Variants in IQCM observed in about 807,000 individuals in gnomAD.
IQCM encodes the protein IQ motif containing M, also known as IQ domain-containing protein M.
A neutral mutation model predicts 57.6 loss-of-function variants in IQCM; 45 were observed. The observed-to-expected ratio is 0.78, with a 90% CI of 0.62 to 1.00. The LOEUF (loss-of-function observed/expected upper bound fraction) is 1.00, where lower values mean the gene tolerates loss of function less well. IQCM is among the 50% of genes least tolerant of loss of function. The pLI is 0.00. For synonymous variants in IQCM, 148 were observed against 158.9 expected, an observed-to-expected ratio of 0.93 and a Z score of 0.51; for missense variants, 468 against 511.6, an observed-to-expected ratio of 0.91 and a Z score of 0.82.
intron 13 of IQCM, among the ~76,000 whole-genome samples, chr4:149,395,788 T>A (rs149247661): frequency 3.3e-5 from 5 of 152,156 alleles, no homozygotes; most frequent in African/African-American, 9.6e-5. Context: ...CTATTCTCTA[T>A]TCCCAGAAGG....
chr4:149,756,233 T>A (rs2149949589), intron 2 of IQCM, among the ~76,000 whole-genome samples: 1 of 152,196 alleles, frequency 6.6e-6, no homozygotes, highest in South Asian at 2.1e-4. Context: ...TGACTGGAAA[T>A]CAATAAATAT....
At chr4:149,784,643 T>C (rs995858395) in intron 2 of IQCM, among the ~76,000 whole-genome samples, 25 of 152,146 alleles carry the variant, frequency 1.6e-4, no homozygotes, top group African/African-American at 6.0e-4. Flanking sequence ...CTGCATCTCC[T>C]GACCTCGTGA....
intron 5 of IQCM, among the ~76,000 whole-genome samples, chr4:149,708,768 A>C (rs192393757): frequency 1.7e-4 from 26 of 152,136 alleles, no homozygotes; most frequent in African/African-American, 6.3e-4. Context: ...TATTTTTTCT[A>C]TGCCTAAAAC....
intron 7 of IQCM, among the ~76,000 whole-genome samples, chr4:149,673,642 A>G (rs1055851808): frequency 6.6e-6 from 1 of 152,148 alleles, no homozygotes; most frequent in Non-Finnish European, 1.5e-5. Context: ...AGAGACCTAC[A>G]AAGAGACTTA....
intron 6 of IQCM, among the ~76,000 whole-genome samples, chr4:149,685,432 T>C (rs1361868508): frequency 6.6e-6 from 1 of 151,502 alleles, no homozygotes; most frequent in African/African-American, 2.4e-5. Flanking sequence ...TCCCTTATCA[T>C]GGGTATAACC....
At chr4:149,714,184 C>T (rs530727573) in intron 5 of IQCM, among the ~76,000 whole-genome samples, 300 of 152,318 alleles carry the variant, frequency 2.0e-3, no homozygotes, top group Non-Finnish European at 3.2e-3. Flanking sequence ...ATCCAACACT[C>T]TCTGCTCCTG....
In IQCM at chr4:149,486,017, G is replaced by GTCTCTCTCTCTCTCTC. The variant is rs71596213; in HGVS notation, c.1229-52476_1229-52461dup. 3.9e-3 allele frequency among the ~76,000 whole-genome samples: 469 copies of GTCTCTCTCTCTCTCTC among 121,634 alleles called. 11 individuals are homozygous for GTCTCTCTCTCTCTCTC. The highest frequency in any genetic ancestry group is 0.013 in the East Asian group (53 of 3,960). 79.8% of individuals were successfully genotyped at this position (121,634 alleles called of 152,430 possible). A position where few individuals can be genotyped will look rare whatever the true frequency, so the allele number is the denominator to read the frequency against. ...CCTTACTTTCTCCCAAGCAAACAGA[G>GTCTCTCTCTCTCTCTC]TCTCTCTCTCTCTCTCTCTCTCTCT... is the stretch of plus-strand genomic sequence containing the variant. On this transcript the variant is annotated intron_variant, in intron 12 of 13. Transcript: ENST00000636793.
At chr4:149,774,211 T>TA (rs1318554366) in intron 2 of IQCM, among the ~76,000 whole-genome samples, 3 of 151,962 alleles carry the variant, frequency 2.0e-5, no homozygotes, top group African/African-American at 4.8e-5. Flanking sequence ...TTTATTGTGG[T>TA]AAAAAAACAC....
intron 13 of IQCM, among the ~76,000 whole-genome samples, chr4:149,365,445 G>T (rs934773666): frequency 1.3e-5 from 2 of 152,140 alleles, no homozygotes; most frequent in African/African-American, 4.8e-5. Flanking sequence ...TTCTTAATAA[G>T]CTTTATAGAT....
At chr4:149,597,553 G>A (rs1195373736) in intron 8 of IQCM, among the ~76,000 whole-genome samples, 1 of 152,002 alleles carries the variant, frequency 6.6e-6, no homozygotes, top group Non-Finnish European at 1.5e-5. Flanking sequence ...ACCATGGCCA[G>A]CTAATTTTTG....
chr4:149,398,872 A>G (rs1040540918), intron 13 of IQCM, among the ~76,000 whole-genome samples: 1 of 151,690 alleles, frequency 6.6e-6, no homozygotes, highest in Non-Finnish European at 1.5e-5. Flanking sequence ...ATGCATGGCT[A>G]GTTTTTGTTG....
intron 13 of IQCM, among the ~76,000 whole-genome samples, chr4:149,421,430 A>G (rs997166305): frequency 8.5e-5 from 13 of 152,068 alleles, no homozygotes; most frequent in Non-Finnish European, 1.6e-4. Flanking sequence ...CTGATTACTG[A>G]GATCTTCCCA....
intron 13 of IQCM, among the ~76,000 whole-genome samples, chr4:149,388,231 G>A (rs980308521): frequency 6.6e-6 from 1 of 151,698 alleles, no homozygotes; most frequent in African/African-American, 2.4e-5. Context: ...CATATTAGAT[G>A]TGTGTTTATC....
chr4:149,799,455 C>A, intron 2 of IQCM, among the ~76,000 whole-genome samples: 1 of 150,626 alleles, frequency 6.6e-6, no homozygotes, highest in Non-Finnish European at 1.5e-5. Context: ...CAAACAAAAC[C>A]CAAAATTAGT....
intron 13 of IQCM, among the ~76,000 whole-genome samples, chr4:149,359,538 G>C (rs757913835): frequency 8.6e-5 from 13 of 151,976 alleles, no homozygotes; most frequent in Non-Finnish European, 1.9e-4. Flanking sequence ...CAACATTTTT[G>C]TTTCTATTTC....
At chr4:149,792,680 T>C (rs985917000) in intron 2 of IQCM, among the ~76,000 whole-genome samples, 1 of 152,210 alleles carries the variant, frequency 6.6e-6, no homozygotes, top group East Asian at 1.9e-4. Flanking sequence ...TTACCTTCTT[T>C]AGTATTCGAC....
At chr4:149,427,805 A>T (rs1734564836) in intron 13 of IQCM, among the ~76,000 whole-genome samples, 2 of 152,004 alleles carry the variant, frequency 1.3e-5, no homozygotes, top group African/African-American at 4.8e-5. Context: ...AAAGAAAATC[A>T]AAAGGACTTT....
At chr4:149,810,138 G>T (rs1033647332) in intron 2 of IQCM, among the ~76,000 whole-genome samples, 3 of 151,872 alleles carry the variant, frequency 2.0e-5, no homozygotes, top group Non-Finnish European at 4.4e-5. Context: ...TAATCCTAGC[G>T]CTTTGGGAGG....
At chr4:149,510,736 A>C (rs1744318578) in intron 12 of IQCM, among the ~76,000 whole-genome samples, 1 of 152,054 alleles carries the variant, frequency 6.6e-6, no homozygotes, top group African/African-American at 2.4e-5. Flanking sequence ...AATGACCCTA[A>C]ATTTGGATTT....
Sources: allele counts gnomAD v4.1 joint callset (sites outside exome capture counted in the v4.1 genomes callset), GRCh38; gene constraint gnomAD v4.1.1; transcripts MANE v1.5; gene names NCBI Gene and HGNC (gene_info 2026-07-23, HGNC 2026-07-21).